Variants in TTLL5 observed in about 807,000 individuals in gnomAD.
The protein encoded by TTLL5 is tubulin tyrosine ligase like 5, also known as tubulin polyglutamylase TTLL5.
Under a neutral mutation model 168.4 loss-of-function variants are expected in TTLL5, and 132 were observed. That is an observed-to-expected ratio of 0.78 (90% CI 0.68 to 0.91). The LOEUF is 0.91. Among genes scored for constraint, TTLL5 ranks in the 40% least tolerant of loss-of-function variants. TTLL5 has a pLI of 0.00. For synonymous variants in TTLL5, 546 were observed against 558.6 expected (o/e 0.98, Z 0.32); for missense variants, 1,545 against 1,581.5 (o/e 0.98, Z 0.39).
intron 31 of TTLL5, among the ~76,000 whole-genome samples, chr14:75,949,455 C>CTA (rs1429586192): frequency 4.7e-5 from 5 of 106,926 alleles, no homozygotes; most frequent in South Asian, 2.9e-4. Context: ...ATTCTATATC[C>CTA]TATATATATA....
chr14:75,904,222 G>T, intron 31 of TTLL5: 2 of 1,170,874 alleles, frequency 1.7e-6, no homozygotes, highest in Non-Finnish European at 2.2e-6. Context: ...AAAAAGGAAA[G>T]AAAAAAAGAA....
intron 12 of TTLL5, 29 bp from the exon 13 acceptor site, chr14:75,732,309 T>A: frequency 1.3e-6 from 2 of 1,594,964 alleles, no homozygotes; most frequent in South Asian, 2.2e-5. Flanking sequence ...GAAAATGATC[T>A]TGTGTATTGT....
chr14:75,796,107 T>C (rs1892981818), intron 27 of TTLL5, among the ~76,000 whole-genome samples: 2 of 152,208 alleles, frequency 1.3e-5, no homozygotes, highest in African/African-American at 4.8e-5. Flanking sequence ...TTTTTTGACT[T>C]TTTAATTATA....
intron 18 of TTLL5, among the ~76,000 whole-genome samples, chr14:75,762,127 G>T (rs1408291225): frequency 6.6e-6 from 1 of 152,126 alleles, no homozygotes; most frequent in African/African-American, 2.4e-5. Context: ...TGGGCGTGGT[G>T]GCTCACACCT....
chr14:75,841,918 C>T (rs187707149), intron 28 of TTLL5, among the ~76,000 whole-genome samples: 2,213 of 152,102 alleles, frequency 0.015, 18 homozygotes, highest in South Asian at 0.026. Flanking sequence ...CCTAATATGT[C>T]TCCATGTTTT....
chr14:75,832,201 A>G (rs1895608271), intron 28 of TTLL5, among the ~76,000 whole-genome samples: 1 of 152,180 alleles, frequency 6.6e-6, no homozygotes, highest in East Asian at 1.9e-4. Flanking sequence ...TCAACAATAA[A>G]TATTTGTTAA....
At chr14:75,788,042 C>T (rs1040876086) in intron 26 of TTLL5, among the ~76,000 whole-genome samples, 5 of 151,996 alleles carry the variant, frequency 3.3e-5, no homozygotes, top group African/African-American at 4.8e-5. Flanking sequence ...TCCAAGCTCC[C>T]TAGGAGGCTG....
chr14:75,690,310 G>T lies in TTLL5; in HGVS notation c.490G>T (p.Ala164Ser), dbSNP rs143151165. 1.6e-5 allele frequency: 26 copies of T among 1,606,438 alleles called. No homozygotes were observed. The East Asian group carries it at 5.6e-4, about 35-fold the overall frequency. The change falls in exon 6 of 32, where the codon GCG (alanine) becomes TCG (serine). Residue 164 changes from alanine to serine, a missense_variant. Physicochemically the swap from Ala to Ser is moderately conservative, Grantham distance 99 (BLOSUM62 1). Coordinates refer to ENST00000298832, the MANE Select transcript of TTLL5 (RefSeq NM_015072.5). ...PQTFLLPAEY[A>S]EFCNSYSKDR... ...GACCTTCCTCCTGCCAGCTGAGTAC[G>T]CGGAATTTTGTAGTAAGTGCTTGAC...
intron 24 of TTLL5, among the ~76,000 whole-genome samples, chr14:75,780,923 A>G (rs971293755): frequency 1.3e-5 from 2 of 152,210 alleles, no homozygotes; most frequent in African/African-American, 4.8e-5. Context: ...TGCTAGGGAT[A>G]CAATGACCAG....
At chr14:75,875,613 CAG>C (rs1331515878) in intron 29 of TTLL5, among the ~76,000 whole-genome samples, 2 of 151,836 alleles carry the variant, frequency 1.3e-5, no homozygotes, top group Non-Finnish European at 2.9e-5. Flanking sequence ...AGATGTATCT[CAG>C]TGTGTCAATT....
At chr14:75,783,802 CAA>C in intron 26 of TTLL5, among the ~76,000 whole-genome samples, 1 of 152,158 alleles carries the variant, frequency 6.6e-6, no homozygotes. Context: ...ACAGCCTAGT[CAA>C]GAGATTTCCT....
intron 5 of TTLL5, 115 bp from the exon 6 acceptor site, chr14:75,690,077 A>G: frequency 8.9e-7 from 1 of 1,125,496 alleles, no homozygotes; most frequent in Non-Finnish European, 1.3e-6. Flanking sequence ...TTAGGATACA[A>G]TACTATCTTC....
chr14:75,720,197 A>G (rs1335697787), intron 11 of TTLL5, among the ~76,000 whole-genome samples: 1 of 152,192 alleles, frequency 6.6e-6, no homozygotes, highest in Non-Finnish European at 1.5e-5. Context: ...GCTGAGTTGG[A>G]GAATGGGCAC....
At chr14:75,811,103 G>T (rs544622709) in intron 27 of TTLL5, among the ~76,000 whole-genome samples, 1 of 151,030 alleles carries the variant, frequency 6.6e-6, no homozygotes, top group African/African-American at 2.4e-5. Context: ...CTGGAGGTAG[G>T]GGGTGGGAGG....
chr14:75,753,955 C>T (rs2140276356), intron 18 of TTLL5, among the ~76,000 whole-genome samples: 1 of 152,058 alleles, frequency 6.6e-6, no homozygotes, highest in South Asian at 2.1e-4. Flanking sequence ...GAAGTATTTC[C>T]CTTATCCTTT....
chr14:75,948,105 T>C (rs1482908803), intron 31 of TTLL5, among the ~76,000 whole-genome samples: 1 of 152,164 alleles, frequency 6.6e-6, no homozygotes, highest in Non-Finnish European at 1.5e-5. Flanking sequence ...TTTCAAACAC[T>C]ACATTCCTTG....
At chr14:75,943,814 G>C (rs929602710) in intron 31 of TTLL5, among the ~76,000 whole-genome samples, 1 of 152,202 alleles carries the variant, frequency 6.6e-6, no homozygotes, top group African/African-American at 2.4e-5. Flanking sequence ...AATTAAAAGA[G>C]AGAGTAAACC....
At chr14:75,693,828 C>T (rs8012201) in intron 6 of TTLL5, among the ~76,000 whole-genome samples, 2,516 of 152,222 alleles carry the variant, frequency 0.017, 67 homozygotes, top group African/African-American at 0.056. Context: ...TTTTCATGTC[C>T]GCCAACTAAT....
intron 28 of TTLL5, among the ~76,000 whole-genome samples, chr14:75,858,023 G>A (rs1897222573): frequency 1.3e-5 from 2 of 152,016 alleles, no homozygotes; most frequent in Non-Finnish European, 2.9e-5. Flanking sequence ...TTTTTAAAAA[G>A]GTTTGATTAC....
Sources: gnomAD v4.1 joint callset for allele counts (sites outside exome capture counted in the v4.1 genomes callset) on GRCh38, gnomAD v4.1.1 for gene constraint, MANE v1.5 for transcripts, NCBI Gene and HGNC (gene_info 2026-07-23, HGNC 2026-07-21) for gene names.